PCCA: variants seen among roughly 807,000 people sequenced by gnomAD.
The protein encoded by PCCA is propionyl-CoA carboxylase subunit alpha.
A neutral mutation model predicts 101.3 loss-of-function variants in PCCA; 74 were observed. That is an observed-to-expected ratio of 0.73 (90% CI 0.61 to 0.89). PCCA has a LOEUF of 0.89. Ranked by LOEUF, PCCA falls within the 40% of genes least tolerant of loss-of-function variation. The probability of loss-of-function intolerance (pLI) is 0.00; values close to 1 mark genes in which losing one functional copy is unlikely to be tolerated. For missense variants in PCCA, 891 were observed against 907.0 expected (o/e 0.98, Z 0.23); for synonymous variants, 294 against 313.6 (o/e 0.94, Z 0.66).
chr13:100,161,632 A>T (rs774457165), intron 6 of PCCA: 2 of 151,482 alleles, frequency 1.3e-5, no homozygotes, highest in South Asian at 2.1e-4. Context: ...AATGATCCAT[A>T]TGATACTCTA....
intron 21 of PCCA, among the ~76,000 whole-genome samples, chr13:100,457,227 C>A (rs113087668): frequency 0.19 from 28,778 of 152,108 alleles, 2,951 homozygotes; most frequent in Admixed American, 0.23. Context: ...TATGACTATT[C>A]TTATTCTAAC....
intron 1 of PCCA, among the ~76,000 whole-genome samples, chr13:100,091,622 C>A (rs1370974915): frequency 6.6e-6 from 1 of 151,538 alleles, no homozygotes; most frequent in African/African-American, 2.4e-5. Flanking sequence ...CCCCTCCCAT[C>A]CCTCCCTCCA....
At chr13:100,407,381 C>T (rs995762519) in intron 19 of PCCA, among the ~76,000 whole-genome samples, 4 of 152,284 alleles carry the variant, frequency 2.6e-5, no homozygotes, top group Non-Finnish European at 4.4e-5. Context: ...GGCCGTTAAA[C>T]GTTCAAGGTT....
Position 100,273,353 on chromosome 13 carries a change from A to G in PCCA, c.1065+7A>G, listed in dbSNP as rs774940739. 6 of 1,608,862 alleles carry G rather than the reference A, an allele frequency of 3.7e-6. No individual in the cohort carries two copies. In the South Asian group the frequency reaches 5.5e-5, roughly 15 times the overall value. On this transcript the variant is annotated splice_region_variant and intron_variant, in intron 12 of 23. Transcript: ENST00000376285. Reference sequence around the variant, plus strand: ...AATGAATACAAGACTCCAGGTAACAACAACTGTTATTTATTCCTCTCCATG... The same window carrying G: ...AATGAATACAAGACTCCAGGTAACAGCAACTGTTATTTATTCCTCTCCATG...
At position 100,150,554 on chromosome 13, in the gene PCCA, T is replaced by C. The variant is rs59542696; in HGVS notation, c.301-4425T>C. The C allele has an allele frequency of 3.1e-5, 40 of 1,285,038 alleles. No individual in the cohort carries two copies. The East Asian group carries it at 9.2e-4, about 30-fold the overall frequency. 79.6% of individuals were successfully genotyped at this position (1,285,038 alleles called of 1,614,324 possible). ...CCGGCGAGAACCACCAATAGTGTGGTGGAACTTACGGCCGTTTCCAAGGGC... is the reference window on the plus strand; with the variant it reads ...CCGGCGAGAACCACCAATAGTGTGGCGGAACTTACGGCCGTTTCCAAGGGC... On this transcript the variant is annotated intron_variant, in intron 4 of 23. Coordinates refer to ENST00000376285, the MANE Select transcript of PCCA (RefSeq NM_000282.4).
chr13:100,139,009 C>G (rs972284752), intron 4 of PCCA, among the ~76,000 whole-genome samples: 1 of 150,854 alleles, frequency 6.6e-6, no homozygotes, highest in African/African-American at 2.4e-5. Flanking sequence ...GATATTTGCA[C>G]TGAATATAGA....
intron 6 of PCCA, among the ~76,000 whole-genome samples, chr13:100,205,460 A>G (rs932082486): frequency 6.6e-6 from 1 of 151,412 alleles, no homozygotes; most frequent in African/African-American, 2.4e-5. Context: ...AAACATTTGT[A>G]GTTATCCAGC....
chr13:100,513,344 T>A (rs1186236843), intron 21 of PCCA, among the ~76,000 whole-genome samples: 1 of 152,020 alleles, frequency 6.6e-6, no homozygotes, highest in African/African-American at 2.4e-5. Flanking sequence ...AAGTCACTTA[T>A]CCCCCAAACA....
At position 100,375,747 on chromosome 13, in the gene PCCA, A is replaced by G. The variant is rs2075862567; in HGVS notation, c.1746+7173A>G. On this transcript the variant is annotated intron_variant, in intron 19 of 23. Transcript: ENST00000376285. ...GAAACTGCATCAACTAATGGGCAAA[A>G]TAACCAGCTAGCATTATAATGACAG... 2.0e-5 allele frequency among the ~76,000 whole-genome samples: 3 copies of G among 152,354 alleles called. No individual in the cohort carries two copies. In the South Asian group the frequency reaches 6.2e-4, roughly 32 times the overall value.
chr13:100,234,216 A>C (rs1280256040), intron 7 of PCCA, among the ~76,000 whole-genome samples: 1 of 152,194 alleles, frequency 6.6e-6, no homozygotes, highest in East Asian at 1.9e-4. Context: ...AGTATTCTCC[A>C]ATAACTGTCA....
At chr13:100,468,727 A>T (rs1054674981) in intron 21 of PCCA, among the ~76,000 whole-genome samples, 3 of 152,074 alleles carry the variant, frequency 2.0e-5, no homozygotes, top group Non-Finnish European at 4.4e-5. Context: ...TTGTCTATGG[A>T]GACCACTAAA....
chr13:100,517,881 G>A (rs1356272442), intron 22 of PCCA, among the ~76,000 whole-genome samples: 1 of 152,170 alleles, frequency 6.6e-6, no homozygotes, highest in East Asian at 1.9e-4. Flanking sequence ...GTTAAATTCT[G>A]CTTAGTGTAA....
chr13:100,423,357 A>G (rs1436659510), intron 19 of PCCA, among the ~76,000 whole-genome samples: 5 of 152,242 alleles, frequency 3.3e-5, no homozygotes, highest in Middle Eastern at 3.4e-3. Flanking sequence ...GACATTCTCT[A>G]CTTCTCCTTT....
rs1207104062 is a variant in PCCA at position 100,171,927 on chromosome 13, G to A, written c.468+14587G>A. 3.3e-5 allele frequency among the ~76,000 whole-genome samples: 5 copies of A among 151,856 alleles called. No individual in the cohort carries two copies. In the South Asian group the frequency reaches 1.0e-3, roughly 32 times the overall value. ...GGCACCTGTAGTCCCAGCTACTCGGGAGGCTGAGGCAGGAGAATGGCGTGA... is the reference window on the plus strand; with the variant it reads ...GGCACCTGTAGTCCCAGCTACTCGGAAGGCTGAGGCAGGAGAATGGCGTGA... On this transcript the variant is annotated intron_variant, in intron 6 of 23. Transcript: ENST00000376285.
intron 16 of PCCA, among the ~76,000 whole-genome samples, chr13:100,311,236 G>GAA (rs34801958): frequency 2.3e-4 from 35 of 149,876 alleles, no homozygotes; most frequent in East Asian, 7.9e-4. Context: ...CCGTCTCAAT[G>GAA]AAAAAAAAAA....
intron 21 of PCCA, among the ~76,000 whole-genome samples, chr13:100,455,681 G>C (rs571047752): frequency 9.2e-5 from 14 of 152,100 alleles, no homozygotes; most frequent in African/African-American, 3.1e-4. Flanking sequence ...TATGTGTACT[G>C]ATGGCACATA....
intron 5 of PCCA, among the ~76,000 whole-genome samples, chr13:100,156,629 T>G (rs894672138): frequency 6.6e-6 from 1 of 151,606 alleles, no homozygotes; most frequent in African/African-American, 2.4e-5. Flanking sequence ...AAGTTTGGGG[T>G]GAGGAAGGAA....
chr13:100,266,431 T>C (rs1452439847), intron 10 of PCCA, among the ~76,000 whole-genome samples: 1 of 152,234 alleles, frequency 6.6e-6, no homozygotes, highest in African/African-American at 2.4e-5. Flanking sequence ...ACAGATGTTC[T>C]CATATCTCAT....
Position 100,238,732 on chromosome 13 carries a change from TTA to T in PCCA, c.637+2856_637+2857del, listed in dbSNP as rs549776622. Among the ~76,000 whole-genome samples, 17 of 152,324 alleles carry T rather than the reference TTA, an allele frequency of 1.1e-4. No individual in the cohort carries two copies. In the South Asian group the frequency reaches 3.1e-3, roughly 28 times the overall value. The stretch of plus-strand genomic sequence containing the variant: ...GTGCTACTTTCTAAAGTAAATTAAA[TTA>T]TGTTTTATTAAAGTCTGTTGGCTTT... On this transcript the variant is annotated intron_variant, in intron 8 of 23. Coordinates refer to ENST00000376285, the MANE Select transcript of PCCA (RefSeq NM_000282.4).
Sources: gnomAD v4.1 joint callset for allele counts (sites outside exome capture counted in the v4.1 genomes callset) on GRCh38, gnomAD v4.1.1 for gene constraint, MANE v1.5 for transcripts, NCBI Gene and HGNC (gene_info 2026-07-23, HGNC 2026-07-21) for gene names.